GABRG3: variants seen among roughly 807,000 people sequenced by gnomAD.
The protein encoded by GABRG3 is gamma-aminobutyric acid type A receptor subunit gamma3.
Under a neutral mutation model 48.8 loss-of-function variants are expected in GABRG3, and 25 were observed. The ratio of observed to expected loss-of-function variants is 0.51; its 90% CI spans 0.37 to 0.72. The LOEUF (loss-of-function observed/expected upper bound fraction) is 0.72, where lower values mean the gene tolerates loss of function less well. GABRG3 is among the 30% of genes least tolerant of loss of function. The pLI is 0.00. For synonymous variants in GABRG3, 227 were observed against 217.6 expected (o/e 1.04, Z -0.38); for missense variants, 394 against 577.9 (o/e 0.68, Z 3.26).
chr15:27,112,776 T>C (rs1175865779), intron 3 of GABRG3, among the ~76,000 whole-genome samples: 1 of 152,164 alleles, frequency 6.6e-6, no homozygotes, highest in African/African-American at 2.4e-5. Context: ...TTTGTGATGC[T>C]TTTATGTCCA....
intron 3 of GABRG3, among the ~76,000 whole-genome samples, chr15:27,265,991 C>T (rs1456240059): frequency 6.6e-6 from 1 of 150,472 alleles, no homozygotes; most frequent in Admixed American, 6.7e-5. Flanking sequence ...AGCAATTCTC[C>T]TGCCTCAGCC....
In GABRG3 at chr15:27,096,422, T is replaced by C. The variant is rs181744943; in HGVS notation, c.270+69601T>C. 1.4e-3 allele frequency among the ~76,000 whole-genome samples: 218 copies of C among 152,376 alleles called. 1 individual carries two copies. The highest frequency in any genetic ancestry group is 5.0e-3 in the African/African-American group (208 of 41,594). On this transcript the variant is annotated intron_variant, in intron 3 of 9. Transcript: ENST00000615808. ...ATTGTATCTTTCAGCAGAGAGATGATTAGTTAATTGCTCACCTTTGTGCTC... is the reference window on the plus strand; with the variant it reads ...ATTGTATCTTTCAGCAGAGAGATGACTAGTTAATTGCTCACCTTTGTGCTC...
chr15:27,038,340 C>G (rs554914291), intron 3 of GABRG3, among the ~76,000 whole-genome samples: 40 of 152,264 alleles, frequency 2.6e-4, no homozygotes, highest in African/African-American at 9.4e-4. Context: ...GACGACCTTC[C>G]TTCATGTCTG....
At chr15:27,367,677 G>A (rs750783557) in intron 5 of GABRG3, among the ~76,000 whole-genome samples, 71 of 152,268 alleles carry the variant, frequency 4.7e-4, no homozygotes, top group Non-Finnish European at 8.5e-4. Context: ...AAATTGAGTA[G>A]CATTGCATAT....
intron 3 of GABRG3, among the ~76,000 whole-genome samples, chr15:27,094,657 A>G (rs117932618): frequency 0.031 from 4,771 of 152,258 alleles, 83 homozygotes; most frequent in Non-Finnish European, 0.049. Context: ...TATGTCACCT[A>G]CATTTGCAGA....
At chr15:27,328,249 A>G (rs1206204221) in intron 4 of GABRG3, among the ~76,000 whole-genome samples, 1 of 151,430 alleles carries the variant, frequency 6.6e-6, no homozygotes, top group Non-Finnish European at 1.5e-5. Flanking sequence ...CTGACATGAC[A>G]CGGAACTTCA....
At chr15:27,374,934 T>C (rs1273000932) in intron 5 of GABRG3, among the ~76,000 whole-genome samples, 1 of 152,096 alleles carries the variant, frequency 6.6e-6, no homozygotes, top group Non-Finnish European at 1.5e-5. Context: ...TTTATTAATG[T>C]GCCCTGGGGA....
rs552615749 is a variant in GABRG3 at position 27,270,976 on chromosome 15, G to T, written c.271-55833G>T. Among the ~76,000 whole-genome samples, 75 of 152,338 alleles carry T rather than the reference G, an allele frequency of 4.9e-4. 1 individual carries two copies. Among genetic ancestry groups the T allele is most frequent in the Admixed American group, 2.0e-3 (31 of 15,302 alleles). On this transcript the variant is annotated intron_variant, in intron 3 of 9. Coordinates refer to ENST00000615808, the MANE Select transcript of GABRG3 (RefSeq NM_033223.5). ...AGGCCATTCTTTGGGGGAATGGGTG[G>T]CCAGGAAGAAACAGTAGAGGAAATT...
At position 27,306,740 on chromosome 15, in the gene GABRG3, T is replaced by C. The variant is rs189394551; in HGVS notation, c.271-20069T>C. On this transcript the variant is annotated intron_variant, in intron 3 of 9. Coordinates refer to ENST00000615808, the MANE Select transcript of GABRG3 (RefSeq NM_033223.5). Reference sequence around the variant, plus strand: ...ATAAACATGTTTATATATAAACATATACAATATAAACATGTTTATATATAA... The same window carrying C: ...ATAAACATGTTTATATATAAACATACACAATATAAACATGTTTATATATAA... 6.0e-4 allele frequency among the ~76,000 whole-genome samples: 73 copies of C among 122,492 alleles called. 1 individual carries two copies. The highest frequency in any genetic ancestry group is 0.011 in the Middle Eastern group (1 of 88). The allele number at this position is 122,492 out of a possible 152,430, so 80.4% of individuals were successfully genotyped here. A position where few individuals can be genotyped will look rare whatever the true frequency, so the allele number is the denominator to read the frequency against.
chr15:27,443,034 C>T (rs1888838049), intron 5 of GABRG3, among the ~76,000 whole-genome samples: 1 of 152,142 alleles, frequency 6.6e-6, no homozygotes, highest in African/African-American at 2.4e-5. Context: ...CCCCAAATCC[C>T]TGTGTTGAAG....
intron 3 of GABRG3, among the ~76,000 whole-genome samples, chr15:27,168,904 T>G (rs1174821926): frequency 6.6e-6 from 1 of 152,238 alleles, no homozygotes; most frequent in Non-Finnish European, 1.5e-5. Flanking sequence ...GCCAAGTTCT[T>G]GCAGAGGAAT....
chr15:27,188,206 A>G lies in GABRG3; in HGVS notation c.271-138603A>G, dbSNP rs569833156. On this transcript the variant is annotated intron_variant, in intron 3 of 9. Transcript: ENST00000615808. ...GAAACATACGTGTGCATGTGTCTTTATAGCAGCATGATTTATAGTCCTTTG... is the reference window on the plus strand; with the variant it reads ...GAAACATACGTGTGCATGTGTCTTTGTAGCAGCATGATTTATAGTCCTTTG... Among the ~76,000 whole-genome samples the G allele has an allele frequency of 8.5e-5, 13 of 152,288 alleles. No individual in the cohort carries two copies. The East Asian group carries it at 2.5e-3, about 29-fold the overall frequency.
intron 4 of GABRG3, among the ~76,000 whole-genome samples, chr15:27,328,174 A>G (rs1893683903): frequency 6.6e-6 from 1 of 152,118 alleles, no homozygotes; most frequent in East Asian, 1.9e-4. Flanking sequence ...CTGATGAAAA[A>G]CATTGCGAGC....
At chr15:26,992,723 T>C (rs1157939518) in intron 2 of GABRG3, among the ~76,000 whole-genome samples, 2 of 152,146 alleles carry the variant, frequency 1.3e-5, no homozygotes, top group Admixed American at 6.6e-5. Context: ...CAAGGTAATA[T>C]TGACTTCATA....
At chr15:27,022,650 C>T (rs1029307461) in intron 2 of GABRG3, among the ~76,000 whole-genome samples, 3 of 152,216 alleles carry the variant, frequency 2.0e-5, no homozygotes, top group African/African-American at 7.2e-5. Context: ...GGCAAAGCAT[C>T]TGCTCACCCC....
At chr15:27,291,760 A>G (rs1891799260) in intron 3 of GABRG3, among the ~76,000 whole-genome samples, 1 of 152,200 alleles carries the variant, frequency 6.6e-6, no homozygotes, top group African/African-American at 2.4e-5. Flanking sequence ...GTGAACCCAC[A>G]TGGTTTGACT....
chr15:27,388,973 T>C (rs1164737725), intron 5 of GABRG3, among the ~76,000 whole-genome samples: 1 of 152,188 alleles, frequency 6.6e-6, no homozygotes, highest in South Asian at 2.1e-4. Context: ...TAGCTTTTAT[T>C]TTCTGCATAA....
intron 2 of GABRG3, among the ~76,000 whole-genome samples, chr15:26,999,180 C>A (rs1198028146): frequency 2.0e-5 from 3 of 148,092 alleles, no homozygotes; most frequent in African/African-American, 2.5e-5. Context: ...AAAAATAATA[C>A]AAACAAAAAA....
intron 5 of GABRG3, among the ~76,000 whole-genome samples, chr15:27,374,138 C>CTTTTTTTTTT (rs201839822): frequency 6.7e-4 from 61 of 91,602 alleles, no homozygotes; most frequent in African/African-American, 1.1e-3. Context: ...TTCTTTTCTT[C>CTTTTTTTTTT]TTTTTTTTTT....
Sources: allele counts gnomAD v4.1 joint callset (sites outside exome capture counted in the v4.1 genomes callset), GRCh38; gene constraint gnomAD v4.1.1; transcripts MANE v1.5; gene names NCBI Gene and HGNC (gene_info 2026-07-23, HGNC 2026-07-21).